PI4KA: variants seen among roughly 807,000 people sequenced by gnomAD.
PI4KA encodes PI4-kinase alpha.
PI4KA carries 122 observed loss-of-function variants against 271.4 expected under a neutral mutation model. The observed-to-expected ratio is 0.45, with a 90% CI of 0.39 to 0.52. PI4KA has a LOEUF of 0.52. PI4KA is among the 20% of genes least tolerant of loss of function. PI4KA has a pLI of 0.00. For synonymous variants in PI4KA, 1,041 were observed against 1,078.8 expected, an observed-to-expected ratio of 0.96 and a Z score of 0.69; for missense variants, 1,969 against 2,769.1, an observed-to-expected ratio of 0.71 and a Z score of 6.48.
In PI4KA at chr22:20,799,180, C is replaced by G. The variant is rs1935150716; in HGVS notation, c.1917G>C (p.Gln639His). The G allele has an allele frequency of 1.2e-6, 2 of 1,607,764 alleles. No homozygotes were observed. Among genetic ancestry groups the G allele is most frequent in the African/African-American group, 2.7e-5 (2 of 74,766 alleles). Residue 639 changes from glutamine to histidine, a missense_variant, in exon 16 of 55, where the codon CAG (glutamine) becomes CAC (histidine). By Grantham distance (24) the Gln-to-His change is conservative. Coordinates refer to ENST00000255882, the MANE Select transcript of PI4KA (RefSeq NM_058004.4). ...GCTGGCAGAATTTCTGCTGTAGGAT[C>G]TGCAGAATGGGCTCCATGACCTTCG... ...DTPKVMEPILQILQQKFCQPP... is the reference protein window; with the variant it reads ...DTPKVMEPILHILQQKFCQPP...
intron 1 of PI4KA, among the ~76,000 whole-genome samples, chr22:20,839,360 A>C (rs1277549760): frequency 6.6e-6 from 1 of 152,166 alleles, no homozygotes; most frequent in Non-Finnish European, 1.5e-5. Context: ...AAAACACATA[A>C]ACTCTGAGTA....
intron 1 of PI4KA, among the ~76,000 whole-genome samples, chr22:20,843,644 T>G (rs749775889): frequency 4.0e-5 from 6 of 151,632 alleles, no homozygotes; most frequent in Middle Eastern, 3.4e-3. Context: ...TCAGGAGAGG[T>G]TGCACAGATG....
chr22:20,846,970 A>AC (rs1162138468), intron 1 of PI4KA, among the ~76,000 whole-genome samples: 3 of 151,624 alleles, frequency 2.0e-5, no homozygotes, highest in Non-Finnish European at 2.9e-5. Context: ...ACATGATGAA[A>AC]CCCCGTCTCT....
Position 20,858,710 on chromosome 22 carries a change from C to T in PI4KA, c.16G>A (p.Ala6Thr). Residue 6 changes from alanine (A) to threonine (T), a missense_variant, in exon 1 of 55, where the codon GCC becomes ACC. Physicochemically the swap from Ala to Thr is moderately conservative, Grantham distance 58. Around this residue, in one of 13 missense-constraint regions of PI4KA, gnomAD observed 540 missense variants for 555.5 expected, o/e 0.97. Transcript: ENST00000255882. Reference sequence around the variant, plus strand: ...CCGCCTCCGCCTCCGCCTCCCCGGGCCGGGGCCGCCGCCATCACCTCACGA... The same window carrying T: ...CCGCCTCCGCCTCCGCCTCCCCGGGTCGGGGCCGCCGCCATCACCTCACGA... Reference protein sequence around the residue: MAAAPARGGGGGGGGG... With the variant: MAAAPTRGGGGGGGGG... 1.4e-6 allele frequency: 2 copies of T among 1,448,408 alleles called. No individual in the cohort carries two copies. The highest frequency in any genetic ancestry group is 9.0e-7 in the Non-Finnish European group (1 of 1,105,184). 89.7% of individuals were successfully genotyped at this position (1,448,408 alleles called of 1,614,324 possible).
chr22:20,854,678 A>T (rs1004549690), intron 1 of PI4KA, among the ~76,000 whole-genome samples: 2 of 152,120 alleles, frequency 1.3e-5, no homozygotes, highest in Admixed American at 1.3e-4. Context: ...CCCTATCTAG[A>T]TCAAGCCCCA....
chr22:20,729,511 CAAGAT>C lies in PI4KA; in HGVS notation c.4489-10_4489-6del. Reference sequence around the variant, plus strand: ...GAGACGCTCGATCTCAGTGGCCTGGCAAGATAAGACATAAGGCCTGATATGCACCC... The same window carrying C: ...GAGACGCTCGATCTCAGTGGCCTGGCAAGACATAAGGCCTGATATGCACCC... On this transcript the variant is annotated splice_polypyrimidine_tract_variant and splice_region_variant and intron_variant, in intron 38 of 54. Transcript: ENST00000255882. 6.3e-7 allele frequency: 1 copy of C among 1,578,194 alleles called. No individual in the cohort carries two copies. Among genetic ancestry groups the C allele is most frequent in the Non-Finnish European group, 8.6e-7 (1 of 1,160,940 alleles).
chr22:20,727,566 G>C (rs1376899318), intron 40 of PI4KA, 169 bp from the exon 41 acceptor site: 2 of 692,284 alleles, frequency 2.9e-6, no homozygotes, highest in Non-Finnish European at 4.8e-6. Flanking sequence ...ACTGCAATTA[G>C]GGTGAAGTGC....
chr22:20,762,790 T>G (rs1932107067), intron 22 of PI4KA, among the ~76,000 whole-genome samples: 1 of 152,180 alleles, frequency 6.6e-6, no homozygotes, highest in Admixed American at 6.5e-5. Flanking sequence ...GGGATGACAG[T>G]GAGGTCAGTG....
Position 20,822,381 on chromosome 22 carries a change from C to T in PI4KA, c.457-1770G>A, listed in dbSNP as rs1177020464. Among the ~76,000 whole-genome samples, 12 of 113,304 alleles carry T rather than the reference C, an allele frequency of 1.1e-4. No homozygotes were observed. The Admixed American group carries it at 1.1e-3, about 11-fold the overall frequency. 74.3% of individuals were successfully genotyped at this position (113,304 alleles called of 152,430 possible). The stretch of plus-strand genomic sequence containing the variant: ...TAGATGAGGAAGATACCTAAGTCTT[C>T]TTTCGCACCTGCTTCTCCTGAACTA... On this transcript the variant is annotated intron_variant, in intron 4 of 54. Transcript: ENST00000255882.
Position 20,707,982 on chromosome 22 carries a change from A to C in PI4KA, c.*65T>G. The C allele has an allele frequency of 7.3e-7, 1 of 1,375,890 alleles. No individual in the cohort carries two copies. Among genetic ancestry groups the C allele is most frequent in the Non-Finnish European group, 1.0e-6 (1 of 963,506 alleles). 85.2% of individuals were successfully genotyped at this position (1,375,890 alleles called of 1,614,324 possible). ...TGTGGCGGCAGGGCAGGGAGGTCGC[A>C]GGGCTCCATGATTGTGGGACAGCTT... On this transcript the variant is annotated 3_prime_UTR_variant, in exon 55 of 55. Coordinates refer to ENST00000255882, the MANE Select transcript of PI4KA (RefSeq NM_058004.4).
chr22:20,786,763 C>A, intron 19 of PI4KA: 1 of 1,101,616 alleles, frequency 9.1e-7, no homozygotes, highest in Non-Finnish European at 1.4e-6. Flanking sequence ...CTGTGATTTC[C>A]ACCTTACATG....
At chr22:20,740,519 G>A (rs1929306293) in intron 32 of PI4KA, among the ~76,000 whole-genome samples, 1 of 151,038 alleles carries the variant, frequency 6.6e-6, no homozygotes, top group Non-Finnish European at 1.5e-5. Context: ...CAAGTTTGAT[G>A]AAAATCCTAA....
intron 30 of PI4KA, among the ~76,000 whole-genome samples, chr22:20,743,664 GAGA>G (rs1970500763): frequency 6.6e-6 from 1 of 152,000 alleles, no homozygotes. Flanking sequence ...TTTTTCCAGA[GAGA>G]AGAACATACA....
At chr22:20,773,183 C>T (rs1932971109) in intron 19 of PI4KA, among the ~76,000 whole-genome samples, 1 of 152,064 alleles carries the variant, frequency 6.6e-6, no homozygotes, top group Non-Finnish European at 1.5e-5. Flanking sequence ...TCCAGGAGTT[C>T]AACACCAGCC....
Position 20,751,274 on chromosome 22 carries a change from G to A in PI4KA, c.3153+19C>T. On this transcript the variant is annotated intron_variant, in intron 27 of 54. Coordinates refer to ENST00000255882, the MANE Select transcript of PI4KA (RefSeq NM_058004.4). ...GTGGTAAAGATGGCCCTTAGTGCAG[G>A]GGATCGTGTCGGGCCTACCTCACGG... The A allele has an allele frequency of 1.2e-6, 2 of 1,600,804 alleles. No homozygotes were observed. Among genetic ancestry groups the A allele is most frequent in the East Asian group, 2.2e-5 (1 of 44,806 alleles).
At chr22:20,732,046 C>G (rs1928131922) in intron 36 of PI4KA, among the ~76,000 whole-genome samples, 1 of 151,810 alleles carries the variant, frequency 6.6e-6, no homozygotes, top group Non-Finnish European at 1.5e-5. Flanking sequence ...TGGTGGCAGG[C>G]GCCTGTAGTC....
In PI4KA at chr22:20,786,232, C is replaced by T. The variant is rs1289277578; in HGVS notation, c.2328+6961G>A. 7 of 1,442,016 alleles carry T rather than the reference C, an allele frequency of 4.9e-6. 1 individual carries two copies. Among genetic ancestry groups the T allele is most frequent in the Non-Finnish European group, 5.8e-6 (6 of 1,029,716 alleles). 89.3% of individuals were successfully genotyped at this position (1,442,016 alleles called of 1,614,324 possible). A position where few individuals can be genotyped will look rare whatever the true frequency, so the allele number is the denominator to read the frequency against. On this transcript the variant is annotated intron_variant, in intron 19 of 54. Coordinates refer to ENST00000255882, the MANE Select transcript of PI4KA (RefSeq NM_058004.4). ...ACCTCCACTTGCCCTTCCTACCCACCCCCCAATCTCATGTCCCAGCTTGGG... is the reference window on the plus strand; with the variant it reads ...ACCTCCACTTGCCCTTCCTACCCACTCCCCAATCTCATGTCCCAGCTTGGG...
At chr22:20,726,408 G>A in intron 42 of PI4KA, 80 bp downstream of exon 42, 2 of 1,304,608 alleles carry the variant, frequency 1.5e-6, no homozygotes, top group Non-Finnish European at 2.0e-6. Context: ...AGCCTGTGAG[G>A]GCTGGGGACA....
chr22:20,728,504 C>T (rs1927634930), intron 39 of PI4KA, among the ~76,000 whole-genome samples: 1 of 152,212 alleles, frequency 6.6e-6, no homozygotes, highest in African/African-American at 2.4e-5. Flanking sequence ...TCTCCTGACT[C>T]TCCACAGCTG....
Sources: gnomAD v4.1 joint callset for allele counts (sites outside exome capture counted in the v4.1 genomes callset) on GRCh38, gnomAD v4.1.1 for gene constraint, gnomAD v4.1.1 regional missense constraint, MANE v1.5 for transcripts, NCBI Gene and HGNC (gene_info 2026-07-23, HGNC 2026-07-21) for gene names.